Variants in UVRAG observed in about 807,000 individuals in gnomAD.
The protein encoded by UVRAG is UV radiation resistance-associated gene protein.
UVRAG carries 19 observed loss-of-function variants against 78.0 expected under a neutral mutation model. The ratio of observed to expected loss-of-function variants is 0.24; its 90% CI spans 0.17 to 0.36. The LOEUF (loss-of-function observed/expected upper bound fraction) is 0.36, where lower values mean the gene tolerates loss of function less well. UVRAG is among the 10% of genes least tolerant of loss of function. The pLI is 1.00. For missense variants in UVRAG, 740 were observed against 853.8 expected (o/e 0.87, Z 1.66); for synonymous variants, 323 against 324.6 (o/e 1.00, Z 0.05).
At chr11:76,082,570 A>G (rs1443917979) in intron 13 of UVRAG, among the ~76,000 whole-genome samples, 1 of 151,276 alleles carries the variant, frequency 6.6e-6, no homozygotes, top group Non-Finnish European at 1.5e-5. Context: ...CATAGGTAAC[A>G]ATTTTTTAAA....
chr11:76,084,575 T>C (rs556203318), intron 13 of UVRAG, among the ~76,000 whole-genome samples: 3 of 152,342 alleles, frequency 2.0e-5, no homozygotes, highest in East Asian at 3.9e-4. Context: ...AGTTTTCCTG[T>C]ATTTTATCTT....
intron 6 of UVRAG, among the ~76,000 whole-genome samples, chr11:75,918,430 A>G (rs981144512): frequency 2.0e-5 from 3 of 152,074 alleles, no homozygotes; most frequent in Admixed American, 6.6e-5. Context: ...GGGCTTAGAA[A>G]GCTTTGATAT....
chr11:75,828,329 T>C (rs144249524), intron 1 of UVRAG, among the ~76,000 whole-genome samples: 221 of 151,876 alleles, frequency 1.5e-3, no homozygotes, highest in Non-Finnish European at 2.3e-3. Context: ...CAGTATAAAT[T>C]GGGTGCCGTG....
intron 8 of UVRAG, among the ~76,000 whole-genome samples, chr11:76,002,166 A>G (rs1487070778): frequency 6.6e-6 from 1 of 152,114 alleles, no homozygotes; most frequent in Non-Finnish European, 1.5e-5. Context: ...TTTTGAAGTG[A>G]CTTTTAGAAT....
At chr11:76,115,795 G>A in intron 13 of UVRAG, 129 bp from the exon 14 acceptor site, 2 of 795,508 alleles carry the variant, frequency 2.5e-6, no homozygotes, top group African/African-American at 1.7e-5. Flanking sequence ...GTACTGTGAG[G>A]CTGATAATAG....
intron 1 of UVRAG, among the ~76,000 whole-genome samples, chr11:75,849,079 G>A (rs1946096466): frequency 6.6e-6 from 1 of 152,174 alleles, no homozygotes; most frequent in African/African-American, 2.4e-5. Flanking sequence ...TTGGGAGCGT[G>A]AGACAGGAGA....
rs78350006 is a variant in UVRAG, at chr11:75,873,374, A to G, written c.271-6505A>G. On this transcript the variant is annotated intron_variant, in intron 3 of 14. Transcript: ENST00000356136. ...TAATTCTGCAAATATTTGAATACTT[A>G]CTTTGTCTCCAGGTTACTGTATTAT... Among the ~76,000 whole-genome samples, 1,360 of 151,964 alleles carry G rather than the reference A, an allele frequency of 8.9e-3. 20 individuals carry two copies. The highest frequency in any genetic ancestry group is 0.032 in the African/African-American group (1,310 of 41,408).
intron 6 of UVRAG, among the ~76,000 whole-genome samples, chr11:75,925,960 C>G (rs1001367029): frequency 2.0e-5 from 3 of 152,104 alleles, no homozygotes; most frequent in Non-Finnish European, 2.9e-5. Flanking sequence ...ATTTCTCCAT[C>G]TCATGTGGAG....
intron 6 of UVRAG, among the ~76,000 whole-genome samples, chr11:75,960,745 C>T (rs1411873509): frequency 6.6e-6 from 1 of 151,908 alleles, no homozygotes; most frequent in East Asian, 1.9e-4. Context: ...CCAGCCTGGG[C>T]GACAGAGTGA....
chr11:76,109,466 A>C (rs1356725207), intron 13 of UVRAG, among the ~76,000 whole-genome samples: 2 of 152,202 alleles, frequency 1.3e-5, no homozygotes, highest in African/African-American at 4.8e-5. Flanking sequence ...ATTCTCTGTA[A>C]AATTCTAATT....
intron 13 of UVRAG, among the ~76,000 whole-genome samples, chr11:76,090,229 C>G (rs140208838): frequency 6.6e-6 from 1 of 152,118 alleles, no homozygotes; most frequent in Non-Finnish European, 1.5e-5. Flanking sequence ...TTCATGTCCT[C>G]GCTTTACCTT....
chr11:76,079,118 A>C (rs1374434703), intron 13 of UVRAG, among the ~76,000 whole-genome samples: 1 of 152,102 alleles, frequency 6.6e-6, no homozygotes, highest in African/African-American at 2.4e-5. Flanking sequence ...CCACTCTTAT[A>C]ATTTAGTCTG....
chr11:76,057,016 A>G (rs796817849), intron 12 of UVRAG, among the ~76,000 whole-genome samples: 3 of 152,358 alleles, frequency 2.0e-5, no homozygotes, highest in African/African-American at 7.2e-5. Context: ...GTAGGAAACA[A>G]TCTTGGCATG....
At chr11:75,862,589 A>G (rs1182169905) in intron 3 of UVRAG, among the ~76,000 whole-genome samples, 1 of 152,058 alleles carries the variant, frequency 6.6e-6, no homozygotes, top group African/African-American at 2.4e-5. Context: ...CTTGTTCCTT[A>G]TGTCTAGAAC....
intron 6 of UVRAG, among the ~76,000 whole-genome samples, chr11:75,956,927 T>C (rs1948810395): frequency 6.6e-6 from 1 of 152,184 alleles, no homozygotes; most frequent in Non-Finnish European, 1.5e-5. Context: ...TTTAATTGGC[T>C]GTCTTGATTA....
intron 3 of UVRAG, among the ~76,000 whole-genome samples, chr11:75,874,367 G>A (rs763858270): frequency 3.9e-5 from 6 of 151,964 alleles, no homozygotes; most frequent in Admixed American, 1.3e-4. Flanking sequence ...AGTGACCTTA[G>A]GCAAGAAGAC....
intron 4 of UVRAG, among the ~76,000 whole-genome samples, chr11:75,882,372 G>GC: frequency 6.6e-6 from 1 of 151,952 alleles, no homozygotes; most frequent in Non-Finnish European, 1.5e-5. Context: ...AATTAACTGG[G>GC]CACAGCGGCA....
chr11:76,033,715 C>A (rs143877349), intron 12 of UVRAG, among the ~76,000 whole-genome samples: 1 of 151,758 alleles, frequency 6.6e-6, no homozygotes, highest in South Asian at 2.1e-4. Context: ...AAGAACAAAC[C>A]CTAGATGTTT....
At position 75,977,523 on chromosome 11, in the gene UVRAG, T is replaced by C. The variant is rs1949270529; in HGVS notation, c.700-5864T>C. On this transcript the variant is annotated intron_variant, in intron 7 of 14. Coordinates refer to ENST00000356136, the MANE Select transcript of UVRAG (RefSeq NM_003369.4). ...GGGACTCTAAGTCTCTTTGTAGGTCTCTAAGGACTTGCTTTATTAATCTGG... is the reference window on the plus strand; with the variant it reads ...GGGACTCTAAGTCTCTTTGTAGGTCCCTAAGGACTTGCTTTATTAATCTGG... Among the ~76,000 whole-genome samples, 3 of 152,300 alleles carry C rather than the reference T, an allele frequency of 2.0e-5. No homozygotes were observed. The South Asian group carries it at 6.2e-4, about 32-fold the overall frequency.
Sources: gnomAD v4.1 joint callset for allele counts (sites outside exome capture counted in the v4.1 genomes callset) on GRCh38, gnomAD v4.1.1 for gene constraint, MANE v1.5 for transcripts, NCBI Gene and HGNC (gene_info 2026-07-23, HGNC 2026-07-21) for gene names.